TTN: variants seen among roughly 807,000 people sequenced by gnomAD.
TTN encodes the protein titin.
A neutral mutation model predicts 3,223.0 loss-of-function variants in TTN; 1,525 were observed. The observed-to-expected ratio is 0.47, with a 90% CI of 0.45 to 0.49. TTN has a LOEUF of 0.49. Among genes scored for constraint, TTN ranks in the 20% least tolerant of loss-of-function variants. TTN has a pLI of 0.00. For missense variants in TTN, 40,786 were observed against 43,424.0 expected, an observed-to-expected ratio of 0.94 and a Z score of 5.40; for synonymous variants, 14,094 against 15,161.0, an observed-to-expected ratio of 0.93 and a Z score of 5.17.
chr2:178,621,733 C>G lies in TTN; in HGVS notation c.45091G>C (p.Ala15031Pro), dbSNP rs2058306842. The G allele has an allele frequency of 6.2e-7, 1 of 1,610,028 alleles. No individual in the cohort carries two copies. The highest frequency in any genetic ancestry group is 1.1e-5 in the South Asian group (1 of 90,650). The change falls in exon 245 of 363, where the codon GCT (alanine) becomes CCT (proline). Residue 15031 changes from alanine (A) to proline (P), a missense_variant. Ala to Pro is a conservative substitution (Grantham distance 27). Transcript: ENST00000589042. ...TTGGCAAGATTTTTGGTAAAGACAG[C>G]TTCTTCTTCTGCAAGCATTGAAAAA... ...SGMLTVLEEE[A>P]VFTKNLANIE...
At position 178,618,170 on chromosome 2, in the gene TTN, T is replaced by TTTAC; in HGVS notation, c.47269+15_47269+18dup. On this transcript the variant is annotated intron_variant, in intron 252 of 362. Coordinates refer to ENST00000589042, the MANE Select transcript of TTN (RefSeq NM_001267550.2). ...CAATTTACTTAAAAGCTAACTTGAA[T>TTTAC]TTACTTAAAACTTCTTACCATATTT... 6.2e-7 allele frequency: 1 copy of TTTAC among 1,610,544 alleles called. No homozygotes were observed. The highest frequency in any genetic ancestry group is 1.7e-5 in the Admixed American group (1 of 59,448).
intron 43 of TTN, among the ~76,000 whole-genome samples, chr2:178,762,428 C>T (rs73973143): frequency 0.014 from 2,164 of 152,196 alleles, 53 homozygotes; most frequent in African/African-American, 0.049. Flanking sequence ...TCTCTTTCTA[C>T]CCCAATTGGT....
In TTN at chr2:178,667,464, C is replaced by G; in HGVS notation, c.35691G>C (p.Lys11897Asn). The G allele has an allele frequency of 6.2e-7, 1 of 1,600,746 alleles. No homozygotes were observed. The highest frequency in any genetic ancestry group is 8.5e-7 in the Non-Finnish European group (1 of 1,177,994). Residue 11897 changes from lysine to asparagine, a missense_variant, in exon 161 of 363, where the codon AAG (lysine) becomes AAC (asparagine). Physicochemically the swap from Lys to Asn is moderately conservative, Grantham distance 94. Transcript: ENST00000589042. ...TACCTTTAGTTGCTGGTGTTTCTCT[C>G]TTTTTAGGAATAGTCACATATATTT... ...EDKIYVTIPK[K>N]RETPATKEPD...
At position 178,607,105 on chromosome 2, in the gene TTN, A is replaced by G. The variant is rs1238654352; in HGVS notation, c.53497T>C (p.Tyr17833His). The G allele has an allele frequency of 1.2e-6, 2 of 1,612,680 alleles. No homozygotes were observed. The highest frequency in any genetic ancestry group is 3.3e-5 in the Admixed American group (2 of 59,946). ...DITGLLEGQE[Y>H]KFRVIAKNKF... Reference sequence around the variant, plus strand: ...TTCTTGGCAATAACACGGAACTTATATTCTTGTCCCTCAAGCAGACCTGTG... The same window carrying G: ...TTCTTGGCAATAACACGGAACTTATGTTCTTGTCCCTCAAGCAGACCTGTG... The change falls in exon 278 of 363, where the codon TAT becomes CAT. Residue 17833 changes from tyrosine (Y) to histidine (H), a missense_variant. Coordinates refer to ENST00000589042, the MANE Select transcript of TTN (RefSeq NM_001267550.2).
At chr2:178,695,208 G>C in intron 115 of TTN, 140 bp downstream of exon 115, 1 of 607,500 alleles carries the variant, frequency 1.6e-6, no homozygotes, top group Non-Finnish European at 2.7e-6. Context: ...GAAATTTTAA[G>C]AAAAAAAAAT....
rs1401971730 is a variant in TTN, at chr2:178,774,951, C to T, written c.6760G>A (p.Val2254Ile). ...YSCVLVEDEN[V>I]KTTAKLIVEG... The stretch of plus-strand genomic sequence containing the variant: ...ACAATAAGTTTAGCAGTCGTTTTGA[C>T]ATTTTCATCTTCCACAAGTACACAG... The change falls in exon 29 of 363, where the codon GTC becomes ATC. Residue 2254 changes from valine (V) to isoleucine (I), a missense_variant. By Grantham distance (29) the Val-to-Ile change is conservative. Coordinates refer to ENST00000589042, the MANE Select transcript of TTN (RefSeq NM_001267550.2). The T allele has an allele frequency of 1.2e-6, 2 of 1,613,730 alleles. No homozygotes were observed. Among genetic ancestry groups the T allele is most frequent in the South Asian group, 2.2e-5 (2 of 91,070 alleles).
At position 178,560,347 on chromosome 2, in the gene TTN, T is replaced by G; in HGVS notation, c.85785A>C (p.Leu28595=). 6.2e-7 allele frequency: 1 copy of G among 1,613,776 alleles called. No homozygotes were observed. Among genetic ancestry groups the G allele is most frequent in the Non-Finnish European group, 8.5e-7 (1 of 1,179,790 alleles). The change falls in exon 326 of 363, where the codon CTA becomes CTC. Residue 28595 remains leucine (L), a synonymous_variant. Coordinates refer to ENST00000589042, the MANE Select transcript of TTN (RefSeq NM_001267550.2). ...GTTTTTTGTTTACACGCACCCATCT[T>G]AGGCTATTTTTCTCTCGCCTTTCAA... ...YIIERREKNS[L]RWVRVNKKPV...
In TTN at chr2:178,552,262, A is replaced by G. The variant is rs114026724; in HGVS notation, c.90638T>C (p.Ile30213Thr). The G allele has an allele frequency of 1.0e-3, 1,675 of 1,613,474 alleles. 18 individuals are homozygous for G. The African/African-American group carries it at 0.019, about 18-fold the overall frequency. ...GGTGATGACTGTAATGGGGACTGCA[A>G]TTCTACACACTGCATTATCAAGAAT... The part of the protein sequence containing the change: ...TVILDNAVCR[I>T]AVPITVITLG... The change falls in exon 335 of 363, where the codon ATT (isoleucine) becomes ACT (threonine). Residue 30213 changes from isoleucine to threonine, a missense_variant. By Grantham distance (89) the Ile-to-Thr change is moderately conservative. Transcript: ENST00000589042.
chr2:178,591,208 C>G lies in TTN; in HGVS notation c.60517G>C (p.Gly20173Arg). 1 of 1,613,426 alleles carries G rather than the reference C, an allele frequency of 6.2e-7. No individual in the cohort carries two copies. Among genetic ancestry groups the G allele is most frequent in the Non-Finnish European group, 8.5e-7 (1 of 1,179,572 alleles). Residue 20173 changes from glycine to arginine, a missense_variant, in exon 304 of 363, where the codon GGG becomes CGG. Coordinates refer to ENST00000589042, the MANE Select transcript of TTN (RefSeq NM_001267550.2). ...ATATTAATAGGACCTGTTGGTGGCC[C>G]AGGAACATCAAGAACAGTAAGATGT... ...AVHLTVLDVP[G>R]PPTGPINILD...
At chr2:178,643,159 CAG>C (rs2061464477) in intron 218 of TTN, among the ~76,000 whole-genome samples, 1 of 151,798 alleles carries the variant, frequency 6.6e-6, no homozygotes, top group African/African-American at 2.4e-5. Flanking sequence ...TAATTTAAAA[CAG>C]TATTTATTTG....
In TTN at chr2:178,653,027, C is replaced by T. The variant is rs763548807; in HGVS notation, c.38875+14G>A. The T allele has an allele frequency of 6.2e-7, 1 of 1,609,238 alleles. No individual in the cohort carries two copies. The highest frequency in any genetic ancestry group is 8.5e-7 in the Non-Finnish European group (1 of 1,178,022). On this transcript the variant is annotated intron_variant, in intron 199 of 362. Coordinates refer to ENST00000589042, the MANE Select transcript of TTN (RefSeq NM_001267550.2). ...GAGTTCAGTCTTCTGAAGCCTAAAGCCAGTGACAAATACCTTTAACAGGTG... is the reference window on the plus strand; with the variant it reads ...GAGTTCAGTCTTCTGAAGCCTAAAGTCAGTGACAAATACCTTTAACAGGTG...
chr2:178,736,165 A>T, intron 49 of TTN, 91 bp from the exon 50 acceptor site: 1 of 1,187,188 alleles, frequency 8.4e-7, no homozygotes, highest in Non-Finnish European at 1.2e-6. Flanking sequence ...AGATGAGTTA[A>T]GTCTTTAGAT....
intron 361 of TTN, 47 bp downstream of exon 361, chr2:178,528,227 T>C (rs1172401545): frequency 1.3e-6 from 2 of 1,573,676 alleles, no homozygotes; most frequent in African/African-American, 1.4e-5. Context: ...AAAAAAACGA[T>C]CTAAAGGCCT....
At chr2:178,536,829 T>C in intron 356 of TTN, 109 bp downstream of exon 356, 2 of 1,096,894 alleles carry the variant, frequency 1.8e-6, no homozygotes, top group Non-Finnish European at 2.5e-6. Context: ...GCACTTGTAC[T>C]TTATCTGAAT....
intron 125 of TTN, 44 bp downstream of exon 125, chr2:178,689,003 ATTTTTT>A (rs35770337): frequency 2.1e-3 from 2,137 of 1,002,148 alleles, no homozygotes; most frequent in Middle Eastern, 4.5e-3. Context: ...ACACTCGAAG[ATTTTTT>A]TTTTTTTTTT....
intron 37 of TTN, 25 bp downstream of exon 37, chr2:178,769,653 AT>A: frequency 9.7e-7 from 1 of 1,032,812 alleles, no homozygotes; most frequent in Non-Finnish European, 1.3e-6. Flanking sequence ...ATATGTGTAT[AT>A]ATATATATAT....
In TTN at chr2:178,579,708, A is replaced by T. The variant is rs1282105128; in HGVS notation, c.67489T>A (p.Trp22497Arg). The change falls in exon 319 of 363, where the codon TGG becomes AGG. Residue 22497 changes from tryptophan (W) to arginine (R), a missense_variant. By Grantham distance (101) the Trp-to-Arg change is moderately radical. Transcript: ENST00000589042. ...CTTAAGGATTTCATAACTCGTTGCC[A>T]CTTATTTTCTTCAGTCAGGAAATCA... ...VVDFLTEENK[W>R]QRVMKSLSLQ... 1 of 1,613,248 alleles carries T rather than the reference A, an allele frequency of 6.2e-7. No individual in the cohort carries two copies. Among genetic ancestry groups the T allele is most frequent in the Admixed American group, 1.7e-5 (1 of 59,952 alleles).
intron 294 of TTN, 24 bp downstream of exon 294, chr2:178,597,514 C>T: frequency 6.3e-7 from 1 of 1,597,628 alleles, no homozygotes; most frequent in South Asian, 1.1e-5. Flanking sequence ...TAAAAAGTTG[C>T]ACAGACAAAT....
In TTN at chr2:178,799,887, T is replaced by C; in HGVS notation, c.607A>G (p.Lys203Glu). 6.2e-7 allele frequency: 1 copy of C among 1,614,132 alleles called. No individual in the cohort carries two copies. The highest frequency in any genetic ancestry group is 8.5e-7 in the Non-Finnish European group (1 of 1,180,014). ...GCAGTCGAAACAATTGTCTTTGTCT[T>C]TTTAGCAGGTACTTCTTCTTCACCT... Reference protein sequence around the residue: ...VQGEEEVPAKKTKTIVSTAQI... With the variant: ...VQGEEEVPAKETKTIVSTAQI... Residue 203 changes from lysine (K) to glutamate (E), a missense_variant, in exon 5 of 363, where the codon AAG becomes GAG. Physicochemically the swap from Lys to Glu is moderately conservative, Grantham distance 56. Coordinates refer to ENST00000589042, the MANE Select transcript of TTN (RefSeq NM_001267550.2).
Sources: allele counts gnomAD v4.1 joint callset (sites outside exome capture counted in the v4.1 genomes callset), GRCh38; gene constraint gnomAD v4.1.1; transcripts MANE v1.5; gene names NCBI Gene and HGNC (gene_info 2026-07-23, HGNC 2026-07-21).